MTUS1: variants seen among roughly 807,000 people sequenced by gnomAD.
The protein encoded by MTUS1 is microtubule associated scaffold protein 1.
Under a neutral mutation model 120.8 loss-of-function variants are expected in MTUS1, and 109 were observed. The observed-to-expected ratio is 0.90, with a 90% CI of 0.77 to 1.06. The LOEUF is 1.06. MTUS1 is among the 50% of genes least tolerant of loss of function. MTUS1 has a pLI of 0.00. For synonymous variants in MTUS1, 737 were observed against 550.5 expected (o/e 1.34, Z -4.74); for missense variants, 2,210 against 1,486.3 (o/e 1.49, Z -8.01).
intron 3 of MTUS1, among the ~76,000 whole-genome samples, chr8:17,731,707 A>C (rs2046593704): frequency 6.6e-6 from 1 of 152,212 alleles, no homozygotes; most frequent in South Asian, 2.1e-4. Flanking sequence ...AGGCAAAGGA[A>C]ATGAACAGCA....
At chr8:17,647,153 G>A (rs978421402) in intron 13 of MTUS1, 74 bp from the exon 14 acceptor site, 178 of 1,107,112 alleles carry the variant, frequency 1.6e-4, no homozygotes, top group South Asian at 6.4e-4. Flanking sequence ...GGCACCTCAC[G>A]ACACAAGCAC....
intron 5 of MTUS1, among the ~76,000 whole-genome samples, chr8:17,714,075 T>C (rs1455278699): frequency 6.6e-6 from 1 of 152,172 alleles, no homozygotes. Context: ...ATTATTGCTG[T>C]GTGGATCATG....
intron 6 of MTUS1, among the ~76,000 whole-genome samples, chr8:17,702,253 CA>C (rs1197431123): frequency 6.6e-6 from 1 of 152,188 alleles, no homozygotes; most frequent in African/African-American, 2.4e-5. Flanking sequence ...CAGGTGCTAA[CA>C]TTAAGAAATA....
intron 12 of MTUS1, 101 bp from the exon 13 acceptor site, chr8:17,650,063 G>T (rs573700987): frequency 1.3e-6 from 1 of 756,134 alleles, no homozygotes. Context: ...AGTAGCAAGC[G>T]ACAGATGTTC....
intron 1 of MTUS1, among the ~76,000 whole-genome samples, chr8:17,767,817 G>C (rs17125304): frequency 0.014 from 2,147 of 152,168 alleles, 58 homozygotes; most frequent in African/African-American, 0.049. Context: ...CAAGAGTTTG[G>C]CTTCTACTCT....
intron 6 of MTUS1, chr8:17,697,455 T>C (rs1818214089): frequency 6.4e-7 from 1 of 1,557,368 alleles, no homozygotes. Flanking sequence ...TTAAACTCAG[T>C]ACTCTTCAAG....
chr8:17,675,056 C>G lies in MTUS1; in HGVS notation c.2905+130G>C, dbSNP rs1018796555. On this transcript the variant is annotated intron_variant, in intron 8 of 14. Transcript: ENST00000693296. ...AGAAATGTCGATAGTAAGTGTTTGCCCAGATACTAGACAGGGAGTGCCAAC... is the reference window on the plus strand; with the variant it reads ...AGAAATGTCGATAGTAAGTGTTTGCGCAGATACTAGACAGGGAGTGCCAAC... 88 of 1,507,582 alleles carry G rather than the reference C, an allele frequency of 5.8e-5. No individual in the cohort carries two copies. In the African/African-American group the frequency reaches 1.1e-3, roughly 18 times the overall value. The allele number at this position is 1,507,582 out of a possible 1,614,324, so 93.4% of individuals were successfully genotyped here.
intron 8 of MTUS1, among the ~76,000 whole-genome samples, chr8:17,661,188 A>T (rs1229029744): frequency 6.6e-6 from 1 of 152,148 alleles, no homozygotes; most frequent in Non-Finnish European, 1.5e-5. Flanking sequence ...TCCTCGTGTG[A>T]ATCTCGTATT....
At chr8:17,680,466 A>T (rs200627588) in intron 7 of MTUS1, among the ~76,000 whole-genome samples, 232 of 7,214 alleles carry the variant, frequency 0.032, 11 homozygotes, top group East Asian at 0.22. Context: ...CACTGTCGCA[A>T]AAAAAAAAAA....
chr8:17,665,277 C>G (rs1330446612), intron 8 of MTUS1, among the ~76,000 whole-genome samples: 1 of 152,178 alleles, frequency 6.6e-6, no homozygotes, highest in Non-Finnish European at 1.5e-5. Context: ...GAGCTCATTT[C>G]AAAGTCTTCC....
chr8:17,669,925 T>C (rs964362766), intron 8 of MTUS1, among the ~76,000 whole-genome samples: 4 of 151,838 alleles, frequency 2.6e-5, no homozygotes, highest in Non-Finnish European at 5.9e-5. Flanking sequence ...GCAAGTGGAG[T>C]TGGGGGCGCA....
intron 8 of MTUS1, among the ~76,000 whole-genome samples, chr8:17,674,101 C>A (rs1191883737): frequency 6.6e-6 from 1 of 152,078 alleles, no homozygotes; most frequent in Non-Finnish European, 1.5e-5. Flanking sequence ...GAGAGAAGAA[C>A]CCCAAAGCGG....
rs927615219 is a variant in MTUS1, at chr8:17,765,626, A to G, written c.-154-9665T>C. Among the ~76,000 whole-genome samples, 59 of 150,696 alleles carry G rather than the reference A, an allele frequency of 3.9e-4. 3 individuals carry two copies. The highest frequency in any genetic ancestry group is 3.0e-5 in the Non-Finnish European group (2 of 67,638). ...AGAGCAAGACTCTGTCTCAAAAAAA[A>G]AAAAAAAAGACTAGCTGTCATCTAT... On this transcript the variant is annotated intron_variant, in intron 1 of 14. Transcript: ENST00000693296.
At chr8:17,739,895 T>C (rs1174472801) in intron 3 of MTUS1, among the ~76,000 whole-genome samples, 1 of 152,214 alleles carries the variant, frequency 6.6e-6, no homozygotes, top group Non-Finnish European at 1.5e-5. Context: ...TGGTTTGTTA[T>C]AATCTCTTAT....
chr8:17,652,403 T>G (rs761620387), intron 12 of MTUS1, among the ~76,000 whole-genome samples: 9 of 152,216 alleles, frequency 5.9e-5, no homozygotes, highest in Admixed American at 6.5e-5. Flanking sequence ...GGACCACATG[T>G]TCTACAATCA....
At chr8:17,678,225 G>C (rs1198097963) in intron 7 of MTUS1, among the ~76,000 whole-genome samples, 2 of 152,124 alleles carry the variant, frequency 1.3e-5, no homozygotes, top group Admixed American at 1.3e-4. Context: ...ATGTCCTTTA[G>C]ATACTGATTT....
At chr8:17,720,920 A>G (rs2045789745) in intron 4 of MTUS1, among the ~76,000 whole-genome samples, 1 of 152,180 alleles carries the variant, frequency 6.6e-6, no homozygotes, top group South Asian at 2.1e-4. Flanking sequence ...GAACACACAC[A>G]AAGAACCTGC....
intron 1 of MTUS1, among the ~76,000 whole-genome samples, chr8:17,780,043 A>G (rs438295): frequency 0.34 from 51,750 of 151,888 alleles, 11,090 homozygotes; most frequent in African/African-American, 0.58. Flanking sequence ...CTGGTGGGAG[A>G]TGACTGGGTT....
chr8:17,744,539 GCCT>G (rs2047585718), intron 2 of MTUS1, among the ~76,000 whole-genome samples: 2 of 152,012 alleles, frequency 1.3e-5, no homozygotes, highest in Non-Finnish European at 2.9e-5. Flanking sequence ...TCCTGCCTCA[GCCT>G]CCTGAGTAGC....
Sources: gnomAD v4.1 joint callset for allele counts (sites outside exome capture counted in the v4.1 genomes callset) on GRCh38, gnomAD v4.1.1 for gene constraint, MANE v1.5 for transcripts, NCBI Gene and HGNC (gene_info 2026-07-23, HGNC 2026-07-21) for gene names.